HS6ST3: variants seen among roughly 807,000 people sequenced by gnomAD.
The protein encoded by HS6ST3 is heparan sulfate 6-O-sulfotransferase 3, also known as heparan-sulfate 6-O-sulfotransferase 3.
A neutral mutation model predicts 36.7 loss-of-function variants in HS6ST3; 12 were observed. That is an observed-to-expected ratio of 0.33 (90% CI 0.21 to 0.53). The LOEUF (loss-of-function observed/expected upper bound fraction) is 0.53, where lower values mean the gene tolerates loss of function less well. Ranked by LOEUF, HS6ST3 falls within the 20% of genes least tolerant of loss-of-function variation. The pLI is 0.95. For synonymous variants in HS6ST3, 240 were observed against 257.5 expected (o/e 0.93, Z 0.65); for missense variants, 584 against 640.9 (o/e 0.91, Z 0.96).
chr13:96,355,572 T>C (rs2055206391), intron 1 of HS6ST3, among the ~76,000 whole-genome samples: 1 of 152,202 alleles, frequency 6.6e-6, no homozygotes, highest in Non-Finnish European at 1.5e-5. Flanking sequence ...TATGCAGTTG[T>C]ATTATGTCTA....
chr13:96,422,029 G>A (rs1234519513), intron 1 of HS6ST3, among the ~76,000 whole-genome samples: 5 of 152,132 alleles, frequency 3.3e-5, no homozygotes, highest in South Asian at 4.1e-4. Context: ...TATATTGCAC[G>A]TTTCATGCTT....
At chr13:96,452,280 A>AT (rs2055731829) in intron 1 of HS6ST3, among the ~76,000 whole-genome samples, 1 of 152,174 alleles carries the variant, frequency 6.6e-6, no homozygotes, top group Non-Finnish European at 1.5e-5. Flanking sequence ...TTTTGGAACA[A>AT]TATTGAGTTT....
intron 1 of HS6ST3, among the ~76,000 whole-genome samples, chr13:96,730,631 G>A (rs573617357): frequency 7.2e-5 from 11 of 152,238 alleles, no homozygotes; most frequent in South Asian, 4.1e-4. Flanking sequence ...ACAGTGGCAC[G>A]ATCATTGCTC....
intron 1 of HS6ST3, among the ~76,000 whole-genome samples, chr13:96,625,941 C>T (rs1479268617): frequency 1.3e-5 from 2 of 151,832 alleles, no homozygotes; most frequent in Admixed American, 6.6e-5. Context: ...CCCAGGTTCA[C>T]GCCATTCTCC....
chr13:96,318,740 T>C (rs966099558), intron 1 of HS6ST3, among the ~76,000 whole-genome samples: 2 of 152,154 alleles, frequency 1.3e-5, no homozygotes, highest in Admixed American at 1.3e-4. Context: ...TTCGGTTCCA[T>C]TGATCTGTGT....
intron 1 of HS6ST3, among the ~76,000 whole-genome samples, chr13:96,216,939 T>C (rs1021137968): frequency 6.6e-6 from 1 of 152,190 alleles, no homozygotes; most frequent in Non-Finnish European, 1.5e-5. Context: ...ATGCCTCGTT[T>C]TCCCTGCTCC....
chr13:96,652,149 T>C (rs2056609696), intron 1 of HS6ST3, among the ~76,000 whole-genome samples: 1 of 152,096 alleles, frequency 6.6e-6, no homozygotes, highest in Non-Finnish European at 1.5e-5. Flanking sequence ...TTGTTTCTAC[T>C]ACATATCTGA....
At chr13:96,536,297 C>A (rs973939229) in intron 1 of HS6ST3, among the ~76,000 whole-genome samples, 7 of 152,214 alleles carry the variant, frequency 4.6e-5, no homozygotes, top group African/African-American at 1.7e-4. Flanking sequence ...TTTCCAAAGG[C>A]AGTTTACAAA....
intron 1 of HS6ST3, among the ~76,000 whole-genome samples, chr13:96,765,588 TTCTCTC>T (rs58979172): frequency 0.036 from 5,064 of 142,626 alleles, 92 homozygotes; most frequent in Middle Eastern, 0.081. Flanking sequence ...CTCTCTCTCT[TTCTCTC>T]TCTCTCTCTC....
At chr13:96,290,557 C>T (rs892105636) in intron 1 of HS6ST3, among the ~76,000 whole-genome samples, 1 of 152,112 alleles carries the variant, frequency 6.6e-6, no homozygotes, top group Non-Finnish European at 1.5e-5. Flanking sequence ...TCACATGCAT[C>T]CTGCTGCCAC....
chr13:96,109,194 A>G (rs912095306), intron 1 of HS6ST3, among the ~76,000 whole-genome samples: 1 of 152,180 alleles, frequency 6.6e-6, no homozygotes, highest in African/African-American at 2.4e-5. Flanking sequence ...GTTTGTCACA[A>G]GCATTGCCCG....
intron 1 of HS6ST3, among the ~76,000 whole-genome samples, chr13:96,281,880 A>G (rs2054777580): frequency 6.6e-6 from 1 of 152,214 alleles, no homozygotes; most frequent in Non-Finnish European, 1.5e-5. Flanking sequence ...CTTGTAGTCA[A>G]TGCTACAGGA....
chr13:96,295,543 A>G (rs1004834910), intron 1 of HS6ST3, among the ~76,000 whole-genome samples: 1 of 152,130 alleles, frequency 6.6e-6, no homozygotes, highest in African/African-American at 2.4e-5. Flanking sequence ...TCTTTAAAAA[A>G]TAGTGCTGAG....
chr13:96,703,261 A>G (rs557254809), intron 1 of HS6ST3, among the ~76,000 whole-genome samples: 4 of 152,354 alleles, frequency 2.6e-5, no homozygotes, highest in African/African-American at 4.8e-5. Flanking sequence ...TGACGTCGGC[A>G]TTGCCCATCA....
chr13:96,231,919 A>G (rs945688261), intron 1 of HS6ST3, among the ~76,000 whole-genome samples: 4 of 152,148 alleles, frequency 2.6e-5, no homozygotes, highest in African/African-American at 4.8e-5. Flanking sequence ...GTTCCCTATG[A>G]TGTTGGAAAT....
At chr13:96,792,470 C>A (rs1452244135) in intron 1 of HS6ST3, among the ~76,000 whole-genome samples, 2 of 151,860 alleles carry the variant, frequency 1.3e-5, no homozygotes, top group African/African-American at 2.4e-5. Context: ...TTGGAAATTG[C>A]TGATCTCCAA....
At chr13:96,774,323 G>A (rs1218865931) in intron 1 of HS6ST3, among the ~76,000 whole-genome samples, 3 of 152,138 alleles carry the variant, frequency 2.0e-5, no homozygotes, top group Non-Finnish European at 2.9e-5. Flanking sequence ...ACTGGACAGG[G>A]AATGAATTTG....
rs117972924 is a variant in HS6ST3 at position 96,671,363 on chromosome 13, G to T, written c.708-161127G>T. On this transcript the variant is annotated intron_variant, in intron 1 of 1. Coordinates refer to ENST00000376705, the MANE Select transcript of HS6ST3 (RefSeq NM_153456.4). The stretch of plus-strand genomic sequence containing the variant: ...CCCTCTTCCCAGTGTGATTGAGAGT[G>T]GCAATTCCCTTCAACTGAAGTTATG... 3.5e-3 allele frequency among the ~76,000 whole-genome samples: 527 copies of T among 152,170 alleles called. 2 individuals are homozygous for T. The highest frequency in any genetic ancestry group is 0.01 in the Middle Eastern group (3 of 294).
chr13:96,641,549 A>G (rs1016537466), intron 1 of HS6ST3, among the ~76,000 whole-genome samples: 2 of 151,562 alleles, frequency 1.3e-5, no homozygotes, highest in East Asian at 3.9e-4. Flanking sequence ...CCATTTTGCT[A>G]TTTTTTTCTA....
Sources: allele counts gnomAD v4.1 joint callset (sites outside exome capture counted in the v4.1 genomes callset), GRCh38; gene constraint gnomAD v4.1.1; transcripts MANE v1.5; gene names NCBI Gene and HGNC (gene_info 2026-07-23, HGNC 2026-07-21).